The following WWOX variants were observed in gnomAD, a reference collection of about 807,000 sequenced individuals.
WWOX encodes the protein WW domain containing oxidoreductase.
WWOX carries 69 observed loss-of-function variants against 46.2 expected under a neutral mutation model. The observed-to-expected ratio is 1.49, with a 90% CI of 1.23 to 1.82. The LOEUF is 1.82. Among genes scored for constraint, WWOX ranks in the 40% most tolerant of loss-of-function variants. The pLI is 0.00. For synonymous variants in WWOX, 359 were observed against 202.6 expected (o/e 1.77, Z -6.56); for missense variants, 919 against 542.6 (o/e 1.69, Z -6.89).
At chr16:78,686,112 G>T (rs966682631) in intron 8 of WWOX, among the ~76,000 whole-genome samples, 12 of 152,188 alleles carry the variant, frequency 7.9e-5, no homozygotes, top group Non-Finnish European at 7.3e-5. Flanking sequence ...ATACAGTCAG[G>T]ACCAGATGTT....
intron 8 of WWOX, among the ~76,000 whole-genome samples, chr16:78,719,372 G>T (rs1664208388): frequency 6.6e-6 from 1 of 152,240 alleles, no homozygotes; most frequent in Non-Finnish European, 1.5e-5. Context: ...TCTTCTGTCA[G>T]GTGATGTGGG....
chr16:78,703,169 T>G (rs113241354), intron 8 of WWOX, among the ~76,000 whole-genome samples: 1 of 152,126 alleles, frequency 6.6e-6, no homozygotes, highest in African/African-American at 2.4e-5. Flanking sequence ...TGAGTTTTTA[T>G]GATGTTCCTT....
chr16:79,069,987 T>G (rs1365290213), intron 8 of WWOX, among the ~76,000 whole-genome samples: 4 of 152,250 alleles, frequency 2.6e-5, no homozygotes, highest in Non-Finnish European at 1.5e-5. Flanking sequence ...TATTCAAGCA[T>G]TTAGAATTAT....
At position 78,527,118 on chromosome 16, in the gene WWOX, A is replaced by T. The variant is rs189746184; in HGVS notation, c.1056+94366A>T. On this transcript the variant is annotated intron_variant, in intron 8 of 8. Coordinates refer to ENST00000566780, the MANE Select transcript of WWOX (RefSeq NM_016373.4). The stretch of plus-strand genomic sequence containing the variant: ...GGTGAGGTTGTGGTGAGCCGAGATC[A>T]TGCCATTGCACTCCAGCCTGGGCAA... 4.6e-5 allele frequency among the ~76,000 whole-genome samples: 7 copies of T among 152,250 alleles called. No homozygotes were observed. In the East Asian group the frequency reaches 1.4e-3, roughly 30 times the overall value.
chr16:78,844,403 G>A (rs1049441405), intron 8 of WWOX, among the ~76,000 whole-genome samples: 14 of 152,078 alleles, frequency 9.2e-5, no homozygotes, highest in African/African-American at 3.1e-4. Context: ...CTGCCGTGTG[G>A]TACCAGTGGG....
At chr16:78,465,773 T>A (rs375175200) in intron 8 of WWOX, among the ~76,000 whole-genome samples, 17 of 152,330 alleles carry the variant, frequency 1.1e-4, no homozygotes, top group Non-Finnish European at 1.6e-4. Context: ...CCTTATTTTT[T>A]AAAATGTATT....
chr16:78,980,984 G>A (rs1406437043), intron 8 of WWOX, among the ~76,000 whole-genome samples: 4 of 152,128 alleles, frequency 2.6e-5, no homozygotes, highest in Admixed American at 1.3e-4. Flanking sequence ...TTAGTTCTTG[G>A]CTTATGTAGA....
intron 8 of WWOX, among the ~76,000 whole-genome samples, chr16:78,772,218 A>C (rs2050081356): frequency 6.6e-6 from 1 of 152,066 alleles, no homozygotes. Context: ...GGCAGGCCCC[A>C]GTGTCTGTTG....
chr16:78,735,583 A>G (rs55753721), intron 8 of WWOX, among the ~76,000 whole-genome samples: 9 of 152,328 alleles, frequency 5.9e-5, no homozygotes, highest in Non-Finnish European at 1.0e-4. Flanking sequence ...GCACAAGTCA[A>G]CTTTTTGTGT....
At chr16:78,696,134 G>A (rs189071350) in intron 8 of WWOX, among the ~76,000 whole-genome samples, 167 of 152,276 alleles carry the variant, frequency 1.1e-3, no homozygotes, top group African/African-American at 3.8e-3. Flanking sequence ...CACTAGGGGT[G>A]GGAATCAGAA....
At chr16:78,446,024 T>C (rs554951651) in intron 8 of WWOX, among the ~76,000 whole-genome samples, 184 of 152,354 alleles carry the variant, frequency 1.2e-3, no homozygotes, top group African/African-American at 4.3e-3. Flanking sequence ...GTATGTGGAC[T>C]GATAACTGGG....
At chr16:78,371,831 TTCTC>T (rs1171578330) in intron 5 of WWOX, among the ~76,000 whole-genome samples, 1 of 152,254 alleles carries the variant, frequency 6.6e-6, no homozygotes, top group Non-Finnish European at 1.5e-5. Flanking sequence ...ATTTTTATAT[TTCTC>T]TCTTTTAATC....
At chr16:79,173,342 G>A (rs552862389) in intron 8 of WWOX, among the ~76,000 whole-genome samples, 4 of 152,098 alleles carry the variant, frequency 2.6e-5, no homozygotes, top group African/African-American at 4.8e-5. Flanking sequence ...GTATGTTTGG[G>A]GTACAACTCA....
At chr16:78,258,793 T>C (rs1388396622) in intron 5 of WWOX, among the ~76,000 whole-genome samples, 1 of 151,386 alleles carries the variant, frequency 6.6e-6, no homozygotes, top group African/African-American at 2.4e-5. Context: ...CTCCTCATAT[T>C]ATCTTGACCT....
chr16:78,840,204 A>G (rs960589482), intron 8 of WWOX, among the ~76,000 whole-genome samples: 12 of 152,210 alleles, frequency 7.9e-5, no homozygotes, highest in African/African-American at 2.9e-4. Context: ...TTTTTAATAT[A>G]AAATAATTAC....
chr16:78,356,521 C>A (rs185103938), intron 5 of WWOX, among the ~76,000 whole-genome samples: 58 of 152,218 alleles, frequency 3.8e-4, no homozygotes, highest in Admixed American at 1.1e-3. Flanking sequence ...CTCCAGTGCT[C>A]TGAATGTGGA....
intron 5 of WWOX, among the ~76,000 whole-genome samples, chr16:78,347,340 C>A (rs1420103362): frequency 3.4e-5 from 4 of 117,604 alleles, no homozygotes; most frequent in African/African-American, 1.2e-4. Context: ...AAATCCATTC[C>A]AATATGACTC....
At chr16:78,583,430 A>T (rs1029378504) in intron 8 of WWOX, among the ~76,000 whole-genome samples, 5 of 152,164 alleles carry the variant, frequency 3.3e-5, no homozygotes, top group Admixed American at 2.6e-4. Flanking sequence ...CTTCAAAGGA[A>T]TTTAGAATCA....
intron 8 of WWOX, among the ~76,000 whole-genome samples, chr16:78,816,622 A>G (rs775352551): frequency 3.7e-4 from 56 of 150,590 alleles, no homozygotes; most frequent in Non-Finnish European, 7.4e-4. Flanking sequence ...TGTAATAGTA[A>G]ATACAGATGT....
Sources: allele counts gnomAD v4.1 joint callset (sites outside exome capture counted in the v4.1 genomes callset), GRCh38; gene constraint gnomAD v4.1.1; transcripts MANE v1.5; gene names NCBI Gene and HGNC (gene_info 2026-07-23, HGNC 2026-07-21).